The following HRNR variants were observed in gnomAD, a reference collection of about 807,000 sequenced individuals.
The protein encoded by HRNR is filaggrin family member 3.
Under a neutral mutation model 4.8 loss-of-function variants are expected in HRNR, and 7 were observed. The observed-to-expected ratio is 1.47, with a 90% CI of 0.83 to 2.75. The LOEUF (loss-of-function observed/expected upper bound fraction) is 2.75, where lower values mean the gene tolerates loss of function less well. Among genes scored for constraint, HRNR ranks in the 30% most tolerant of loss-of-function variants. The pLI, the probability that HRNR is intolerant of heterozygous loss-of-function variation, is 0.00. For synonymous variants in HRNR, 1,023 were observed against 1,242.7 expected (o/e 0.82, Z 3.72); for missense variants, 2,879 against 3,010.4 (o/e 0.96, Z 1.02).
In HRNR at chr1:152,218,600, C is replaced by G. The variant is rs147743726; in HGVS notation, c.3029G>C (p.Ser1010Thr). Residue 1010 changes from serine to threonine, a missense_variant, in exon 3 of 3, where the codon AGC (serine) becomes ACC (threonine). Transcript: ENST00000368801. ...GSGSGQSPSP[S>T]RGRHGSGSGQ... The stretch of plus-strand genomic sequence containing the variant: ...GGAACCAGACCCATGTCGGCCACGG[C>G]TAGGGCTAGGAGACTGGCCAGATCC... 2.0e-4 allele frequency: 329 copies of G among 1,613,580 alleles called. 1 individual carries two copies. The highest frequency in any genetic ancestry group is 2.5e-4 in the Admixed American group (15 of 59,990).
intron 2 of HRNR, among the ~76,000 whole-genome samples, chr1:152,221,933 A>G (rs1649016951): frequency 6.6e-6 from 1 of 152,192 alleles, no homozygotes; most frequent in African/African-American, 2.4e-5. Flanking sequence ...AGAAGTGAAC[A>G]AGTTTGCTTC....
chr1:152,218,307 C>G lies in HRNR; in HGVS notation c.3322G>C (p.Gly1108Arg). The stretch of plus-strand genomic sequence containing the variant: ...CCATAGCCAGAAGACTGACTTGAGC[C>G]AGAGCCATGCTGACCGTGGCTGGAA... Reference protein sequence around the residue: ...QSSSHGQHGSGSSQSSGYGRQ... With the variant: ...QSSSHGQHGSRSSQSSGYGRQ... Residue 1108 changes from glycine (G) to arginine (R), a missense_variant, in exon 3 of 3, where the codon GGC becomes CGC. By Grantham distance (125) the Gly-to-Arg change is moderately radical. Coordinates refer to ENST00000368801, the MANE Select transcript of HRNR (RefSeq NM_001009931.3). The G allele has an allele frequency of 2.5e-6, 4 of 1,607,908 alleles. No homozygotes were observed. Among genetic ancestry groups the G allele is most frequent in the East Asian group, 2.2e-5 (1 of 44,466 alleles).
Position 152,220,336 on chromosome 1 carries a change from A to T in HRNR, c.1293T>A (p.Ser431=), listed in dbSNP as rs764322018. 6 of 1,613,128 alleles carry T rather than the reference A, an allele frequency of 3.7e-6. No individual in the cohort carries two copies. In the Admixed American group the frequency reaches 8.3e-5, roughly 22 times the overall value. The change falls in exon 3 of 3, where the codon TCT becomes TCA. Residue 431 remains serine (S), a synonymous_variant. Transcript: ENST00000368801. ...GQSPGHGQRG[S]GSGQSPSSGQ... is the part of the protein sequence containing the mutation. ...CGGAGCTGGGAGACTGCCCTGACCC[A>T]GACCCACGCTGGCCGTGGCCTGGAG...
In HRNR at chr1:152,221,377, A is replaced by C; in HGVS notation, c.252T>G (p.Ala84=). 2 of 1,613,938 alleles carry C rather than the reference A, an allele frequency of 1.2e-6. No homozygotes were observed. The highest frequency in any genetic ancestry group is 2.7e-5 in the African/African-American group (2 of 75,036). ...YLLMIFKLVQ[A]RNKIIGKDYC... ...AATCTTTGCCAATGATTTTATTACG[A>C]GCCTGAACCAGCTTGAATATCATCA... The change falls in exon 3 of 3, where the codon GCT becomes GCG. Residue 84 remains alanine (A), a synonymous_variant. Coordinates refer to ENST00000368801, the MANE Select transcript of HRNR (RefSeq NM_001009931.3).
chr1:152,220,381 G>T lies in HRNR; in HGVS notation c.1248C>A (p.His416Gln). The change falls in exon 3 of 3, where the codon CAC (histidine) becomes CAA (glutamine). Residue 416 changes from histidine to glutamine, a missense_variant. His to Gln is a conservative substitution (Grantham distance 24). Coordinates refer to ENST00000368801, the MANE Select transcript of HRNR (RefSeq NM_001009931.3). ...CTGGAGACTGGCCAGATCCAGAGCT[G>T]TGTTGGCCGCGGCCTGAAGAGTGAC... is the stretch of plus-strand genomic sequence containing the variant. ...ASRHSSGRGQ[H>Q]SSGSGQSPGH... 3.1e-6 allele frequency: 5 copies of T among 1,613,356 alleles called. No homozygotes were observed. The highest frequency in any genetic ancestry group is 4.2e-6 in the Non-Finnish European group (5 of 1,179,646).
Position 152,219,591 on chromosome 1 carries a change from A to T in HRNR, c.2038T>A (p.Ser680Thr). The part of the protein sequence containing the change: ...GHSSSYGQHG[S>T]GSGWSSSNGP... ...TTGCTTGAAGACCAACCGGAGCCAG[A>T]CCCATGTTGGCCGTAGCTGGAAGAG... Residue 680 changes from serine to threonine, a missense_variant, in exon 3 of 3, where the codon TCT becomes ACT. Physicochemically the swap from Ser to Thr is moderately conservative, Grantham distance 58 (BLOSUM62 1). Transcript: ENST00000368801. 6.2e-7 allele frequency: 1 copy of T among 1,612,170 alleles called. No individual in the cohort carries two copies. The highest frequency in any genetic ancestry group is 1.3e-5 in the African/African-American group (1 of 74,784).
chr1:152,220,055 C>A lies in HRNR; in HGVS notation c.1574G>T (p.Arg525Leu), dbSNP rs201404604. 1 of 1,613,764 alleles carries A rather than the reference C, an allele frequency of 6.2e-7. No individual in the cohort carries two copies. The highest frequency in any genetic ancestry group is 1.7e-5 in the Admixed American group (1 of 59,968). The stretch of plus-strand genomic sequence containing the variant: ...ATGTCGGCTGTGTCCCAAAGATTGA[C>A]GGGAGCCAGACCCATGCTGACCATA... ...SSYGQHGSGS[R>L]QSLGHSRHGS... Residue 525 changes from arginine (R) to leucine (L), a missense_variant, in exon 3 of 3, where the codon CGT becomes CTT. By Grantham distance (102) the Arg-to-Leu change is moderately radical. This residue lies in a region of HRNR where 2,646 missense variants were observed against 1,377.7 expected (regional missense o/e 1.92). Transcript: ENST00000368801.
Position 152,218,916 on chromosome 1 carries a change from T to C in HRNR, c.2713A>G (p.Ser905Gly). The change falls in exon 3 of 3, where the codon AGC becomes GGC. Residue 905 changes from serine (S) to glycine (G), a missense_variant. Physicochemically the swap from Ser to Gly is moderately conservative, Grantham distance 56. This residue lies in a region of HRNR where 2,646 missense variants were observed against 1,377.7 expected (regional missense o/e 1.92). Coordinates refer to ENST00000368801, the MANE Select transcript of HRNR (RefSeq NM_001009931.3). Reference protein sequence around the residue: ...QRGSGSGQSPSYGRHGSGSGR... With the variant: ...QRGSGSGQSPGYGRHGSGSGR... ...GAGCCAGACCCATGTCGGCCATAGC[T>C]GGGAGACTGCCCTGACCCAGACCCA... 1 of 1,613,484 alleles carries C rather than the reference T, an allele frequency of 6.2e-7. No homozygotes were observed. Among genetic ancestry groups the C allele is most frequent in the Non-Finnish European group, 8.5e-7 (1 of 1,179,870 alleles).
rs747369472 is a variant in HRNR at position 152,218,830 on chromosome 1, A to G, written c.2799T>C (p.Gly933=). The change falls in exon 3 of 3, where the codon GGT becomes GGC. Residue 933 remains glycine (G), a synonymous_variant. Transcript: ENST00000368801. The stretch of plus-strand genomic sequence containing the variant: ...AGGACTGCCCTGAGCTAGACTTGTG[A>G]CCAAAGCCAGAAGACTGGCCTGAGC... ...GSGSGQSSGF[G]HKSSSGQSSG... The G allele has an allele frequency of 9.9e-6, 16 of 1,610,564 alleles. No individual in the cohort carries two copies. In the Admixed American group the frequency reaches 2.7e-4, roughly 27 times the overall value.
At position 152,219,068 on chromosome 1, in the gene HRNR, G is replaced by A. The variant is rs758727210; in HGVS notation, c.2561C>T (p.Ser854Phe). Residue 854 changes from serine to phenylalanine, a missense_variant, in exon 3 of 3, where the codon TCC becomes TTC. Physicochemically the swap from Ser to Phe is radical, Grantham distance 155 (BLOSUM62 -2). Coordinates refer to ENST00000368801, the MANE Select transcript of HRNR (RefSeq NM_001009931.3). ...HGSTSGQSSS[S>F]GQHDSSSGQS... is the part of the protein sequence containing the mutation. ...ACCTGAGCTAGAGTCATGTTGGCCG[G>A]AGCTTGATGACTGCCCTGACGTAGA... The A allele has an allele frequency of 6.2e-7, 1 of 1,612,726 alleles. No individual in the cohort carries two copies. The highest frequency in any genetic ancestry group is 8.5e-7 in the Non-Finnish European group (1 of 1,179,640).
In HRNR at chr1:152,218,882, G is replaced by A; in HGVS notation, c.2747C>T (p.Ser916Phe). ...AGACCCATGTCGGCCACTGCTGGAAGACCGACCGGAGCCAGACCCATGTCG... is the reference window on the plus strand; with the variant it reads ...AGACCCATGTCGGCCACTGCTGGAAAACCGACCGGAGCCAGACCCATGTCG... ...YGRHGSGSGR[S>F]SSSGRHGSGS... The change falls in exon 3 of 3, where the codon TCT (serine) becomes TTT (phenylalanine). Residue 916 changes from serine to phenylalanine, a missense_variant. By Grantham distance (155) the Ser-to-Phe change is radical. Around this residue, in one of 8 missense-constraint regions of HRNR, gnomAD observed 2,646 missense variants for 1,377.7 expected, o/e 1.92. Transcript: ENST00000368801. 6.2e-7 allele frequency: 1 copy of A among 1,613,942 alleles called. No individual in the cohort carries two copies. The highest frequency in any genetic ancestry group is 8.5e-7 in the Non-Finnish European group (1 of 1,179,982).
chr1:152,221,275 CT>C lies in HRNR; in HGVS notation c.353del (p.Glu118GlyfsTer42). ...AAGAGGATTCTTGCCGTTTGTTCTC[CT>C]CTTTTTCAGTTTCTTCTTGTTCCTC... ...HQEEQEETEK[E>X]ENKRQESSFS... is the part of the protein sequence containing the mutation. On this transcript the variant is annotated frameshift_variant, in exon 3 of 3. Transcript: ENST00000368801. LOFTEE classifies it low-confidence loss of function (END_TRUNC). 1 of 1,613,988 alleles carries C rather than the reference CT, an allele frequency of 6.2e-7. No homozygotes were observed. Among genetic ancestry groups the C allele is most frequent in the Non-Finnish European group, 8.5e-7 (1 of 1,180,006 alleles).
intron 1 of HRNR, 65 bp from the exon 2 acceptor site, chr1:152,223,343 A>G: frequency 2.1e-6 from 2 of 934,354 alleles, no homozygotes; most frequent in East Asian, 2.6e-5. Context: ...ACACATAAAT[A>G]GTTCTAATTA....
Position 152,220,422 on chromosome 1 carries a change from G to T in HRNR, c.1207C>A (p.His403Asn), listed in dbSNP as rs550473784. The T allele has an allele frequency of 3.1e-5, 50 of 1,614,102 alleles. No individual in the cohort carries two copies. Among genetic ancestry groups the T allele is most frequent in the Middle Eastern group, 1.6e-4 (1 of 6,062 alleles). Residue 403 changes from histidine (H) to asparagine (N), a missense_variant, in exon 3 of 3, where the codon CAT becomes AAT. His to Asn is a moderately conservative substitution (Grantham distance 68). Coordinates refer to ENST00000368801, the MANE Select transcript of HRNR (RefSeq NM_001009931.3). ...GAAGAGTGACGGGAGGCAGACTCAT[G>T]CTGACCATAGCTGGAAGACTGACGT... ...SSRQSSSYGQ[H>N]ESASRHSSGR...
Position 152,219,827 on chromosome 1 carries a change from C to A in HRNR, c.1802G>T (p.Gly601Val), listed in dbSNP as rs373072541. ...GGTAGAGGAATGACCCGAGCTAGATCCGTGTTGACCGTAGCCAGAGGACTG... is the reference window on the plus strand; with the variant it reads ...GGTAGAGGAATGACCCGAGCTAGATACGTGTTGACCGTAGCCAGAGGACTG... ...SGQSSGYGQHGSSSGHSSTHG... is the reference protein window; with the variant it reads ...SGQSSGYGQHVSSSGHSSTHG... Residue 601 changes from glycine (G) to valine (V), a missense_variant, in exon 3 of 3, where the codon GGA (glycine) becomes GTA (valine). Coordinates refer to ENST00000368801, the MANE Select transcript of HRNR (RefSeq NM_001009931.3). 1.5e-5 allele frequency: 24 copies of A among 1,612,160 alleles called. 1 individual carries two copies. In the African/African-American group the frequency reaches 2.5e-4, roughly 17 times the overall value.
chr1:152,223,620 T>C (rs1259451766), intron 1 of HRNR, among the ~76,000 whole-genome samples: 1 of 152,226 alleles, frequency 6.6e-6, no homozygotes, highest in Non-Finnish European at 1.5e-5. Context: ...CTGCTTCCTC[T>C]TTCTAGGTTC....
chr1:152,223,187 C>T lies in HRNR; in HGVS notation c.67G>A (p.Gly23Arg), dbSNP rs757324361. 12 of 1,613,604 alleles carry T rather than the reference C, an allele frequency of 7.4e-6. No homozygotes were observed. The highest frequency in any genetic ancestry group is 2.2e-5 in the South Asian group (2 of 91,040). Residue 23 changes from glycine (G) to arginine (R), a missense_variant, in exon 2 of 3, where the codon GGG becomes AGG. Gly to Arg is a moderately radical substitution (Grantham distance 125, BLOSUM62 -2). Coordinates refer to ENST00000368801, the MANE Select transcript of HRNR (RefSeq NM_001009931.3). ...GCCTTGTTCAACGTATCATACTCCCCATGCTGGGTGGCATATTGGTAGAAA... is the reference window on the plus strand; with the variant it reads ...GCCTTGTTCAACGTATCATACTCCCTATGCTGGGTGGCATATTGGTAGAAA... ...DVFYQYATQH[G>R]EYDTLNKAEL...
Position 152,219,701 on chromosome 1 carries a change from G to C in HRNR, c.1928C>G (p.Ser643Ter). 6.2e-6 allele frequency: 10 copies of C among 1,613,468 alleles called. No homozygotes were observed. Among genetic ancestry groups the C allele is most frequent in the Non-Finnish European group, 8.5e-6 (10 of 1,179,554 alleles). The change falls in exon 3 of 3, where the codon TCA becomes TGA. Residue 643 changes from serine to a stop codon, truncating the protein, a stop_gained. Coordinates refer to ENST00000368801, the MANE Select transcript of HRNR (RefSeq NM_001009931.3). LOFTEE classifies it low-confidence loss of function (END_TRUNC). ...SSSHGQHGSGSSQSSRYGQQG... is the reference protein window; with the variant it reads ...SSSHGQHGSG ...TTGGCCATAGCGAGAAGACTGACTTGAGCCAGAGCCATGCTGACCGTGGCT... is the reference window on the plus strand; with the variant it reads ...TTGGCCATAGCGAGAAGACTGACTTCAGCCAGAGCCATGCTGACCGTGGCT...
Position 152,220,330 on chromosome 1 carries a change from T to G in HRNR, c.1299A>C (p.Ser433=). The part of the protein sequence containing the change: ...SPGHGQRGSG[S]GQSPSSGQHG... ...GTTGGCCGGAGCTGGGAGACTGCCC[T>G]GACCCAGACCCACGCTGGCCGTGGC... Residue 433 remains serine, a synonymous_variant, in exon 3 of 3, where the codon TCA becomes TCC. Coordinates refer to ENST00000368801, the MANE Select transcript of HRNR (RefSeq NM_001009931.3). The G allele has an allele frequency of 6.2e-7, 1 of 1,612,664 alleles. No individual in the cohort carries two copies. The highest frequency in any genetic ancestry group is 8.5e-7 in the Non-Finnish European group (1 of 1,179,546).
Sources: allele counts gnomAD v4.1 joint callset (sites outside exome capture counted in the v4.1 genomes callset), GRCh38; gene constraint gnomAD v4.1.1; regional missense constraint gnomAD v4.1.1; transcripts MANE v1.5; gene names NCBI Gene and HGNC (gene_info 2026-07-23, HGNC 2026-07-21).